ERO1B: variants seen among roughly 807,000 people sequenced by gnomAD.
ERO1B encodes ERO1-like protein beta.
ERO1B carries 49 observed loss-of-function variants against 75.3 expected under a neutral mutation model. The ratio of observed to expected loss-of-function variants is 0.65; its 90% CI spans 0.52 to 0.83. The LOEUF is 0.83. Ranked by LOEUF, ERO1B falls within the 40% of genes least tolerant of loss-of-function variation. The pLI, the probability that ERO1B is intolerant of heterozygous loss-of-function variation, is 0.00. For synonymous variants in ERO1B, 191 were observed against 192.9 expected (o/e 0.99, Z 0.08); for missense variants, 512 against 560.1 (o/e 0.91, Z 0.87).
intron 10 of ERO1B, 65 bp downstream of exon 10, chr1:236,230,159 A>G: frequency 7.5e-7 from 1 of 1,339,672 alleles, no homozygotes; most frequent in South Asian, 1.3e-5. Flanking sequence ...GACCTTACAA[A>G]AATATGCTAA....
chr1:236,274,010 G>T (rs1415200183), intron 1 of ERO1B, among the ~76,000 whole-genome samples: 1 of 130,204 alleles, frequency 7.7e-6, no homozygotes, highest in Non-Finnish European at 1.6e-5. Flanking sequence ...TTGAGACAGA[G>T]TCTCACTCTG....
chr1:236,268,412 T>C (rs1254440426), intron 2 of ERO1B, among the ~76,000 whole-genome samples: 10 of 148,560 alleles, frequency 6.7e-5, no homozygotes, highest in Non-Finnish European at 1.3e-4. Flanking sequence ...TGCACTCCAG[T>C]CTGGGCGACA....
chr1:236,218,714 A>T, intron 15 of ERO1B, 138 bp from the exon 16 acceptor site: 1 of 739,752 alleles, frequency 1.4e-6, no homozygotes, highest in Non-Finnish European at 1.8e-6. Flanking sequence ...TTCCATGTTT[A>T]AATTAGTGTT....
At chr1:236,226,157 G>C in intron 12 of ERO1B, 112 bp downstream of exon 12, 1 of 1,045,568 alleles carries the variant, frequency 9.6e-7, no homozygotes, top group Middle Eastern at 2.6e-4. Context: ...TTCCTTTTCT[G>C]TTCTACATCT....
At chr1:236,238,801 T>C (rs1266237004) in intron 6 of ERO1B, among the ~76,000 whole-genome samples, 1 of 151,980 alleles carries the variant, frequency 6.6e-6, no homozygotes, top group Non-Finnish European at 1.5e-5. Flanking sequence ...AACGTGCAAA[T>C]TGGACTAGTA....
At chr1:236,267,601 C>T (rs1665478525) in intron 2 of ERO1B, among the ~76,000 whole-genome samples, 1 of 152,132 alleles carries the variant, frequency 6.6e-6, no homozygotes, top group Non-Finnish European at 1.5e-5. Flanking sequence ...GAAACACTTC[C>T]CCCACTGTAT....
At chr1:236,240,045 C>T (rs1481057035) in intron 6 of ERO1B, among the ~76,000 whole-genome samples, 1 of 151,192 alleles carries the variant, frequency 6.6e-6, no homozygotes, top group Non-Finnish European at 1.5e-5. Context: ...GCTGGGACTA[C>T]AGACATGTAC....
chr1:236,253,559 C>CA, intron 2 of ERO1B, 54 bp from the exon 3 acceptor site: 1 of 1,182,784 alleles, frequency 8.5e-7, no homozygotes, highest in Non-Finnish European at 1.2e-6. Flanking sequence ...GGGGTGCTCT[C>CA]AAAGTGTCAT....
rs1242681989 is a variant in ERO1B, at chr1:236,217,154, A to C, written c.*1362T>G. 1.3e-5 allele frequency: 2 copies of C among 152,128 alleles called. No individual in the cohort carries two copies. The highest frequency in any genetic ancestry group is 4.8e-5 in the African/African-American group (2 of 41,442). 9.4% of individuals were successfully genotyped at this position (152,128 alleles called of 1,614,324 possible). A position where few individuals can be genotyped will look rare whatever the true frequency, so the allele number is the denominator to read the frequency against. ...AACACATTTCAGACTTTGACAGGAT[A>C]AAATATGGATTTAAGAGCACTTATT... On this transcript the variant is annotated 3_prime_UTR_variant, in exon 16 of 16. Coordinates refer to ENST00000354619, the MANE Select transcript of ERO1B (RefSeq NM_019891.4).
chr1:236,245,299 T>A lies in ERO1B; in HGVS notation c.432-1804A>T, dbSNP rs1165619557. ...TGTGAGTCACCATGCCCAGTCAAAA[T>A]ATATATATATATATATATATATACA... On this transcript the variant is annotated intron_variant, in intron 5 of 15. Transcript: ENST00000354619. Among the ~76,000 whole-genome samples, 8 of 12,888 alleles carry A rather than the reference T, an allele frequency of 6.2e-4. 1 individual carries two copies. The highest frequency in any genetic ancestry group is 1.3e-3 in the Non-Finnish European group (7 of 5,390). 8.5% of individuals were successfully genotyped at this position (12,888 alleles called of 152,430 possible). A position where few individuals can be genotyped will look rare whatever the true frequency, so the allele number is the denominator to read the frequency against.
chr1:236,277,558 G>C (rs1300208368), intron 1 of ERO1B, among the ~76,000 whole-genome samples: 1 of 152,096 alleles, frequency 6.6e-6, no homozygotes, highest in Non-Finnish European at 1.5e-5. Flanking sequence ...ACAAGTGAAG[G>C]GGCTGCCTTT....
intron 13 of ERO1B, among the ~76,000 whole-genome samples, 191 bp from the exon 14 acceptor site, chr1:236,222,201 C>T (rs1664166047): frequency 6.6e-6 from 1 of 152,188 alleles, no homozygotes; most frequent in Admixed American, 6.5e-5. Flanking sequence ...CCTCCACCTC[C>T]CAGGTTCAAG....
At chr1:236,219,245 T>G (rs1346351839) in intron 15 of ERO1B, among the ~76,000 whole-genome samples, 1 of 152,138 alleles carries the variant, frequency 6.6e-6, no homozygotes, top group African/African-American at 2.4e-5. Context: ...ACATATATGA[T>G]CTCATTATCA....
At chr1:236,275,859 T>C (rs1052697163) in intron 1 of ERO1B, among the ~76,000 whole-genome samples, 3 of 152,210 alleles carry the variant, frequency 2.0e-5, no homozygotes, top group Admixed American at 1.3e-4. Context: ...GATGACACCA[T>C]GTGAGACAGG....
intron 1 of ERO1B, among the ~76,000 whole-genome samples, chr1:236,278,667 T>C (rs568366686): frequency 1.3e-5 from 2 of 152,306 alleles, no homozygotes; most frequent in East Asian, 3.9e-4. Context: ...AACTTACATA[T>C]ATCTAATTGA....
Position 236,281,860 on chromosome 1 carries a change from A to C in ERO1B, c.-77T>G, listed in dbSNP as rs1665844883. The C allele has an allele frequency of 2.0e-5, 22 of 1,075,976 alleles. No individual in the cohort carries two copies. The highest frequency in any genetic ancestry group is 1.8e-4 in the Admixed American group (5 of 28,094). 66.7% of individuals were successfully genotyped at this position (1,075,976 alleles called of 1,614,324 possible). On this transcript the variant is annotated 5_prime_UTR_variant, in exon 1 of 16. Coordinates refer to ENST00000354619, the MANE Select transcript of ERO1B (RefSeq NM_019891.4). The stretch of plus-strand genomic sequence containing the variant: ...GACGGGCGGCCCAGGCGACGACCCA[A>C]GGGGACGGTTCCCAGCGGCCGAGCG...
At chr1:236,257,449 T>C (rs2102959284) in intron 2 of ERO1B, among the ~76,000 whole-genome samples, 1 of 151,624 alleles carries the variant, frequency 6.6e-6, no homozygotes, top group Admixed American at 6.6e-5. Context: ...CAAGCCAGTA[T>C]CTAGGAGCCT....
rs1210866553 is a variant in ERO1B, at chr1:236,216,881, T to TG, written c.*1634dup. 1.3e-5 allele frequency: 2 copies of TG among 151,622 alleles called. No homozygotes were observed. 9.4% of individuals were successfully genotyped at this position (151,622 alleles called of 1,614,324 possible). A position where few individuals can be genotyped will look rare whatever the true frequency, so the allele number is the denominator to read the frequency against. ...CCCCCCTCCCCCACCATACAATACT[T>TG]GCAACCCTCAAGAAAAAGTAGAGGA... On this transcript the variant is annotated 3_prime_UTR_variant, in exon 16 of 16. Coordinates refer to ENST00000354619, the MANE Select transcript of ERO1B (RefSeq NM_019891.4).
intron 2 of ERO1B, among the ~76,000 whole-genome samples, chr1:236,268,823 T>C (rs758953240): frequency 2.6e-5 from 4 of 152,018 alleles, no homozygotes; most frequent in Non-Finnish European, 5.9e-5. Context: ...GAAGTAGAGC[T>C]TGCAGTGAGC....
Sources: gnomAD v4.1 joint callset for allele counts (sites outside exome capture counted in the v4.1 genomes callset) on GRCh38, gnomAD v4.1.1 for gene constraint, MANE v1.5 for transcripts, NCBI Gene and HGNC (gene_info 2026-07-23, HGNC 2026-07-21) for gene names.